The following UBE2V2 variants were observed in gnomAD, a reference collection of about 807,000 sequenced individuals.
The protein encoded by UBE2V2 is ubiquitin conjugating enzyme E2 V2, also known as ubiquitin-conjugating enzyme E2 variant 2.
Under a neutral mutation model 17.2 loss-of-function variants are expected in UBE2V2, and 9 were observed. The ratio of observed to expected loss-of-function variants is 0.52; its 90% CI spans 0.32 to 0.91. The LOEUF (loss-of-function observed/expected upper bound fraction) is 0.91, where lower values mean the gene tolerates loss of function less well. UBE2V2 is among the 40% of genes least tolerant of loss of function. UBE2V2 has a pLI of 0.04. For missense variants in UBE2V2, 133 were observed against 182.6 expected, an observed-to-expected ratio of 0.73 and a Z score of 1.56; for synonymous variants, 61 against 57.5, an observed-to-expected ratio of 1.06 and a Z score of -0.28.
chr8:48,059,244 T>G (rs1461486089), intron 3 of UBE2V2, among the ~76,000 whole-genome samples: 1 of 150,922 alleles, frequency 6.6e-6, no homozygotes, highest in Non-Finnish European at 1.5e-5. Context: ...CTGTATATAG[T>G]CTTATATGTT....
At chr8:48,025,443 T>A (rs1249734519) in intron 1 of UBE2V2, among the ~76,000 whole-genome samples, 2 of 151,214 alleles carry the variant, frequency 1.3e-5, no homozygotes, top group Non-Finnish European at 2.9e-5. Flanking sequence ...ATTATTATTT[T>A]TTTTTTGTAT....
rs919303133 is a variant in UBE2V2 at position 48,062,418 on chromosome 8, C to G, written c.*1590C>G. ...ACCAGCCTGGCCAACATGATGAAAC[C>G]CTGTCTCTACTAAAAATACAAAAAA... On this transcript the variant is annotated 3_prime_UTR_variant, in exon 4 of 4. Transcript: ENST00000523111. 1 of 151,780 alleles carries G rather than the reference C, an allele frequency of 6.6e-6. No individual in the cohort carries two copies. Among genetic ancestry groups the G allele is most frequent in the African/African-American group, 2.4e-5 (1 of 41,304 alleles). The allele number at this position is 151,780 out of a possible 1,614,324, so 9.4% of individuals were successfully genotyped here.
intron 1 of UBE2V2, among the ~76,000 whole-genome samples, chr8:48,020,746 T>C (rs2091299165): frequency 6.6e-6 from 1 of 152,080 alleles, no homozygotes; most frequent in Non-Finnish European, 1.5e-5. Context: ...GCTAGGACTA[T>C]AGGTGTGTGC....
At chr8:48,045,461 C>T (rs2091492692) in intron 2 of UBE2V2, among the ~76,000 whole-genome samples, 1 of 152,084 alleles carries the variant, frequency 6.6e-6, no homozygotes, top group African/African-American at 2.4e-5. Flanking sequence ...GGATTTCATT[C>T]CTTTCTTGGC....
rs28660494 is a variant in UBE2V2, at chr8:48,035,070, C to T, written c.17-7963C>T. On this transcript the variant is annotated intron_variant, in intron 1 of 3. Coordinates refer to ENST00000523111, the MANE Select transcript of UBE2V2 (RefSeq NM_003350.3). ...AGCATTCCTCTTACAAGGTGAGTGC[C>T]AGAACTGGCCTTAGCATTGCTGCTT... 72 of 984,436 alleles carry T rather than the reference C, an allele frequency of 7.3e-5. No homozygotes were observed. The Admixed American group carries it at 1.1e-3, about 14-fold the overall frequency. 61.0% of individuals were successfully genotyped at this position (984,436 alleles called of 1,614,324 possible).
intron 3 of UBE2V2, among the ~76,000 whole-genome samples, chr8:48,058,056 G>T (rs114452692): frequency 0.011 from 1,724 of 152,306 alleles, 43 homozygotes; most frequent in African/African-American, 0.039. Flanking sequence ...GGGGCCAGGT[G>T]GTGGTGGCGG....
At chr8:48,057,791 G>A (rs2091582542) in intron 3 of UBE2V2, among the ~76,000 whole-genome samples, 1 of 152,126 alleles carries the variant, frequency 6.6e-6, no homozygotes, top group African/African-American at 2.4e-5. Flanking sequence ...ATTGTTGCAA[G>A]TGTAAAGAAA....
At chr8:48,020,308 A>G (rs1187017758) in intron 1 of UBE2V2, among the ~76,000 whole-genome samples, 3 of 152,028 alleles carry the variant, frequency 2.0e-5, no homozygotes, top group African/African-American at 7.2e-5. Flanking sequence ...GAATGCTGGG[A>G]TTATAGGGTC....
intron 2 of UBE2V2, 180 bp downstream of exon 2, chr8:48,043,361 T>A (rs2091477130): frequency 2.1e-6 from 1 of 465,904 alleles, no homozygotes; most frequent in Admixed American, 4.4e-5. Flanking sequence ...ACGTAGAGGA[T>A]TGGGGGGAGG....
intron 2 of UBE2V2, among the ~76,000 whole-genome samples, chr8:48,045,599 GT>G (rs2091493471): frequency 1.3e-5 from 2 of 152,270 alleles, no homozygotes; most frequent in African/African-American, 4.8e-5. Context: ...TGCTTCTGCT[GT>G]TTTCTTAAGT....
intron 1 of UBE2V2, among the ~76,000 whole-genome samples, chr8:48,041,240 C>T (rs1204060760): frequency 5.3e-5 from 8 of 149,774 alleles, no homozygotes; most frequent in Admixed American, 1.3e-4. Flanking sequence ...GGTGCGATCT[C>T]GGCTCACTGC....
chr8:48,031,244 C>A (rs541339359), intron 1 of UBE2V2, among the ~76,000 whole-genome samples: 238 of 151,952 alleles, frequency 1.6e-3, no homozygotes, highest in Non-Finnish European at 1.8e-3. Context: ...ACAACAACAA[C>A]AAAAAAACAA....
chr8:48,014,487 T>C (rs1038307052), intron 1 of UBE2V2, among the ~76,000 whole-genome samples: 1 of 150,706 alleles, frequency 6.6e-6, no homozygotes, highest in Admixed American at 6.6e-5. Flanking sequence ...CTACTAAAAA[T>C]ACAAAAAATT....
the UBE2V2 span, among the ~76,000 whole-genome samples, chr8:48,000,474 C>T: frequency 6.6e-6 from 1 of 152,048 alleles, no homozygotes; most frequent in South Asian, 2.1e-4. Context: ...ATTATTTTAC[C>T]ACCTGCAAGC....
chr8:48,010,610 C>G (rs1219230800), intron 1 of UBE2V2, among the ~76,000 whole-genome samples: 1 of 150,462 alleles, frequency 6.6e-6, no homozygotes, highest in Non-Finnish European at 1.5e-5. Context: ...ACCATATTGG[C>G]CAGGATGGTC....
chr8:48,017,300 TTA>T (rs1224917222), intron 1 of UBE2V2, among the ~76,000 whole-genome samples: 1 of 152,210 alleles, frequency 6.6e-6, no homozygotes, highest in Non-Finnish European at 1.5e-5. Flanking sequence ...ATGGAGTTCC[TTA>T]TATATTTTGG....
At chr8:48,002,016 G>A in the UBE2V2 span, among the ~76,000 whole-genome samples, 28 of 152,256 alleles carry the variant, frequency 1.8e-4, 3 homozygotes, top group African/African-American at 6.5e-4. Context: ...TTGAACCCAG[G>A]AGGTGGAGGT....
At chr8:48,041,771 C>A (rs571469797) in intron 1 of UBE2V2, 21 of 151,916 alleles carry the variant, frequency 1.4e-4, no homozygotes, top group African/African-American at 4.8e-4. Context: ...AAAAAGCAGA[C>A]ACACTTTACT....
chr8:48,022,808 ATTT>A (rs749451088), intron 1 of UBE2V2, among the ~76,000 whole-genome samples: 1 of 137,046 alleles, frequency 7.3e-6, no homozygotes. Flanking sequence ...TCCTGGTCGC[ATTT>A]TTTTTTTTTT....
Sources: gnomAD v4.1 joint callset for allele counts (sites outside exome capture counted in the v4.1 genomes callset) on GRCh38, gnomAD v4.1.1 for gene constraint, MANE v1.5 for transcripts, NCBI Gene and HGNC (gene_info 2026-07-23, HGNC 2026-07-21) for gene names.